The following HOMER2 variants were observed in gnomAD, a reference collection of about 807,000 sequenced individuals.
HOMER2 encodes the protein homer protein homolog 2.
Under a neutral mutation model 47.0 loss-of-function variants are expected in HOMER2, and 27 were observed. The ratio of observed to expected loss-of-function variants is 0.57; its 90% CI spans 0.42 to 0.79. The LOEUF is 0.79. HOMER2 is among the 30% of genes least tolerant of loss of function. HOMER2 has a pLI of 0.00. For synonymous variants in HOMER2, 161 were observed against 163.8 expected, an observed-to-expected ratio of 0.98 and a Z score of 0.13; for missense variants, 443 against 435.0, an observed-to-expected ratio of 1.02 and a Z score of -0.16.
intron 7 of HOMER2, among the ~76,000 whole-genome samples, chr15:82,851,651 G>T (rs1445930212): frequency 6.6e-6 from 1 of 152,164 alleles, no homozygotes; most frequent in Non-Finnish European, 1.5e-5. Flanking sequence ...ACGTGTGTGT[G>T]GTGCTCTCAT....
chr15:82,949,577 A>C (rs1282395655), intron 1 of HOMER2, among the ~76,000 whole-genome samples: 1 of 152,178 alleles, frequency 6.6e-6, no homozygotes, highest in Non-Finnish European at 1.5e-5. Context: ...ATGGAGAGTG[A>C]ACAAATGGCA....
exon 2 of HOMER2, chr15:82,958,629 G>A (rs546962045): frequency 6.6e-6 from 1 of 152,498 alleles, no homozygotes; most frequent in Admixed American, 6.5e-5. Flanking sequence ...AGCTTGTCAG[G>A]AGGATCTTAG....
At chr15:82,876,130 A>T (rs1184177509) in intron 2 of HOMER2, among the ~76,000 whole-genome samples, 1 of 152,080 alleles carries the variant, frequency 6.6e-6, no homozygotes, top group Non-Finnish European at 1.5e-5. Context: ...AGGAGTGGGG[A>T]ACTGGGGGAG....
At chr15:82,975,521 T>A (rs547847740) in intron 1 of HOMER2, among the ~76,000 whole-genome samples, 2 of 152,328 alleles carry the variant, frequency 1.3e-5, no homozygotes, top group South Asian at 4.1e-4. Context: ...TGGAGTACTA[T>A]TCAGCCGTAA....
chr15:82,969,403 T>C (rs2029905039), intron 1 of HOMER2, among the ~76,000 whole-genome samples: 1 of 152,220 alleles, frequency 6.6e-6, no homozygotes, highest in Admixed American at 6.5e-5. Context: ...AAAAGCTTGC[T>C]ATTTATAAAG....
chr15:82,902,739 T>C (rs1203541208), intron 1 of HOMER2, among the ~76,000 whole-genome samples: 4 of 151,570 alleles, frequency 2.6e-5, no homozygotes, highest in African/African-American at 7.4e-5. Flanking sequence ...ATTCTTAATA[T>C]TGACTAGATA....
chr15:82,902,399 T>A lies in HOMER2; in HGVS notation c.6-9558A>T, dbSNP rs541634209. ...TTTTAGTAGAGACAGGGTTTCACCA[T>A]ATTGACCAGGCCGGTTTCAAACTCC... is the stretch of plus-strand genomic sequence containing the variant. On this transcript the variant is annotated intron_variant, in intron 1 of 8. Transcript: ENST00000450735. 6.6e-5 allele frequency among the ~76,000 whole-genome samples: 10 copies of A among 152,222 alleles called. No individual in the cohort carries two copies. The East Asian group carries it at 1.7e-3, about 26-fold the overall frequency.
Position 82,952,642 on chromosome 15 carries a change from G to C in HOMER2, c.-107C>G, listed in dbSNP as rs976097625. Reference sequence around the variant, plus strand: ...CACATGCGGCGGCCCGTGCGCGCCCGGCTCAGCCCCGGCGCCGCTCCATTC... The same window carrying C: ...CACATGCGGCGGCCCGTGCGCGCCCCGCTCAGCCCCGGCGCCGCTCCATTC... On this transcript the variant is annotated 5_prime_UTR_variant, in exon 1 of 9. Transcript: ENST00000450735. The C allele has an allele frequency of 1.4e-5, 14 of 1,019,472 alleles. No homozygotes were observed. Among genetic ancestry groups the C allele is most frequent in the African/African-American group, 1.7e-5 (1 of 57,678 alleles). The allele number at this position is 1,019,472 out of a possible 1,614,324, so 63.2% of individuals were successfully genotyped here. A position where few individuals can be genotyped will look rare whatever the true frequency, so the allele number is the denominator to read the frequency against.
intron 1 of HOMER2, among the ~76,000 whole-genome samples, chr15:82,914,767 G>A (rs965002355): frequency 3.3e-5 from 5 of 152,312 alleles, no homozygotes; most frequent in African/African-American, 1.2e-4. Flanking sequence ...TCCTGGTGAG[G>A]TCGGGGATGG....
At chr15:82,874,169 C>A (rs1873368541) in intron 3 of HOMER2, among the ~76,000 whole-genome samples, 1 of 152,194 alleles carries the variant, frequency 6.6e-6, no homozygotes, top group African/African-American at 2.4e-5. Context: ...AGAGCAGAGG[C>A]TGGGTCAGCA....
intron 7 of HOMER2, among the ~76,000 whole-genome samples, 174 bp downstream of exon 7, chr15:82,851,968 T>C (rs984109337): frequency 6.6e-6 from 1 of 152,172 alleles, no homozygotes; most frequent in African/African-American, 2.4e-5. Flanking sequence ...GCAGAGGTCA[T>C]GGGGAGGCCT....
upstream of HOMER2, chr15:82,986,041 G>A (rs1373344620): frequency 3.0e-6 from 3 of 984,878 alleles, no homozygotes; most frequent in Non-Finnish European, 2.4e-6. Context: ...AAAGTGCATG[G>A]AGGGCATCAT....
chr15:82,949,721 A>C (rs1567072164), intron 1 of HOMER2, among the ~76,000 whole-genome samples: 2 of 152,180 alleles, frequency 1.3e-5, no homozygotes, highest in African/African-American at 4.8e-5. Flanking sequence ...GAGCAACTAA[A>C]GCTATGCTAT....
chr15:82,965,954 C>T (rs980410385), intron 1 of HOMER2, among the ~76,000 whole-genome samples: 2 of 152,082 alleles, frequency 1.3e-5, no homozygotes, highest in African/African-American at 4.8e-5. Context: ...ATTAGCCAGC[C>T]ATGGTGGCAT....
At position 82,852,128 on chromosome 15, in the gene HOMER2, G is replaced by A; in HGVS notation, c.762+14C>T. The A allele has an allele frequency of 6.3e-7, 1 of 1,594,520 alleles. No homozygotes were observed. Among genetic ancestry groups the A allele is most frequent in the Non-Finnish European group, 8.6e-7 (1 of 1,162,380 alleles). ...AGGACGCCAAGGGGCCCTGCTCGGA[G>A]CACCATTACTCACTGTCTCCTTTTC... is the stretch of plus-strand genomic sequence containing the variant. On this transcript the variant is annotated intron_variant, in intron 7 of 8. Coordinates refer to ENST00000450735, the MANE Select transcript of HOMER2 (RefSeq NM_004839.4).
rs1049466324 is a variant in HOMER2, at chr15:82,850,611, T to C, written c.843+540A>G. On this transcript the variant is annotated intron_variant, in intron 8 of 8. Coordinates refer to ENST00000450735, the MANE Select transcript of HOMER2 (RefSeq NM_004839.4). ...TTGAGGGAATAAACAGAGACCTTTCTGAACATGTGCACAGGAAGCAGTTAC... is the reference window on the plus strand; with the variant it reads ...TTGAGGGAATAAACAGAGACCTTTCCGAACATGTGCACAGGAAGCAGTTAC... Among the ~76,000 whole-genome samples, 6 of 152,352 alleles carry C rather than the reference T, an allele frequency of 3.9e-5. No homozygotes were observed. The East Asian group carries it at 1.2e-3, about 29-fold the overall frequency.
downstream of HOMER2, chr15:82,844,809 A>G (rs2151586887): frequency 6.6e-6 from 1 of 152,360 alleles, no homozygotes; most frequent in Non-Finnish European, 1.5e-5. Flanking sequence ...GTCACATCAT[A>G]AGACGCTGCT....
intron 8 of HOMER2, among the ~76,000 whole-genome samples, chr15:82,850,195 TGAGG>T (rs1596299148): frequency 6.6e-6 from 1 of 152,244 alleles, no homozygotes; most frequent in East Asian, 1.9e-4. Context: ...GAGTCCTGCC[TGAGG>T]GAGACCTCAC....
intron 1 of HOMER2, among the ~76,000 whole-genome samples, chr15:82,918,030 C>T (rs1369925930): frequency 2.0e-5 from 3 of 152,002 alleles, no homozygotes. Context: ...AGGAGCAGCT[C>T]GGAGCAGGAT....
Sources: allele counts gnomAD v4.1 joint callset (sites outside exome capture counted in the v4.1 genomes callset), GRCh38; gene constraint gnomAD v4.1.1; transcripts MANE v1.5; gene names NCBI Gene and HGNC (gene_info 2026-07-23, HGNC 2026-07-21).